The following GRIK3 variants were observed in gnomAD, a reference collection of about 807,000 sequenced individuals.
GRIK3 encodes glutamate ionotropic receptor kainate type subunit 3, also known as glutamate receptor ionotropic, kainate 3.
GRIK3 carries 29 observed loss-of-function variants against 102.5 expected under a neutral mutation model. The ratio of observed to expected loss-of-function variants is 0.28; its 90% CI spans 0.21 to 0.39. GRIK3 has a LOEUF of 0.39. GRIK3 is among the 10% of genes least tolerant of loss of function. The pLI, the probability that GRIK3 is intolerant of heterozygous loss-of-function variation, is 1.00. For missense variants in GRIK3, 908 were observed against 1,252.4 expected (o/e 0.73, Z 4.15); for synonymous variants, 511 against 504.9 (o/e 1.01, Z -0.16).
chr1:36,913,897 C>T (rs1435089707), intron 1 of GRIK3, among the ~76,000 whole-genome samples: 2 of 152,240 alleles, frequency 1.3e-5, no homozygotes, highest in Non-Finnish European at 2.9e-5. Context: ...ACAACTCTCC[C>T]AAAACCAACA....
At chr1:36,942,049 G>C (rs1641726760) in intron 1 of GRIK3, among the ~76,000 whole-genome samples, 5 of 152,200 alleles carry the variant, frequency 3.3e-5, no homozygotes, top group Admixed American at 3.3e-4. Context: ...AGCACTCTTT[G>C]AGGATGCAGG....
rs770773939 is a variant in GRIK3, at chr1:36,806,225, C to T, written c.2193G>A (p.Thr731=). ...ACTCCATGAGCAGCGCGTAGTCGGC[C>T]GTCAGGGCCCTCTGGATGCCCTCCT... ...NNEEGIQRAL[T]ADYALLMEST... The change falls in exon 14 of 16, where the codon ACG becomes ACA. Residue 731 remains threonine (T), a synonymous_variant. Coordinates refer to ENST00000373091, the MANE Select transcript of GRIK3 (RefSeq NM_000831.4). This position sits in a 1 kb window ranked among gnomAD's most constrained non-coding sequence, Gnocchi z 4.0. 6.3e-5 allele frequency: 101 copies of T among 1,613,934 alleles called. No homozygotes were observed. The highest frequency in any genetic ancestry group is 3.3e-4 in the Middle Eastern group (2 of 6,084).
rs532665531 is a variant in GRIK3, at chr1:36,929,250, G to A, written c.116-38154C>T. On this transcript the variant is annotated intron_variant, in intron 1 of 15. Coordinates refer to ENST00000373091, the MANE Select transcript of GRIK3 (RefSeq NM_000831.4). ...AGATGGAGACTGTATCTCCATCTTCGAAGGTGCTCATTGTGAGCACCAGGA... is the reference window on the plus strand; with the variant it reads ...AGATGGAGACTGTATCTCCATCTTCAAAGGTGCTCATTGTGAGCACCAGGA... Among the ~76,000 whole-genome samples the A allele has an allele frequency of 3.8e-4, 58 of 152,098 alleles. No homozygotes were observed. In the South Asian group the frequency reaches 9.8e-3, roughly 26 times the overall value.
chr1:36,969,674 T>C (rs191609804), intron 1 of GRIK3, among the ~76,000 whole-genome samples: 2 of 152,336 alleles, frequency 1.3e-5, no homozygotes, highest in South Asian at 2.1e-4. Context: ...GGCTTCATTG[T>C]AGAGAGGACA....
intron 1 of GRIK3, among the ~76,000 whole-genome samples, chr1:36,953,642 G>C (rs991848471): frequency 1.3e-5 from 2 of 152,034 alleles, no homozygotes; most frequent in Non-Finnish European, 2.9e-5. Context: ...GACCAGGCAG[G>C]GGAAAGGAAA....
chr1:36,842,348 C>A (rs572932609), intron 9 of GRIK3, among the ~76,000 whole-genome samples: 1 of 152,280 alleles, frequency 6.6e-6, no homozygotes, highest in South Asian at 2.1e-4. Context: ...CATTCTCAGG[C>A]CCCACCCCAG....
chr1:36,855,688 G>A (rs1640643591), intron 7 of GRIK3, among the ~76,000 whole-genome samples: 1 of 152,218 alleles, frequency 6.6e-6, no homozygotes, highest in Non-Finnish European at 1.5e-5. Context: ...ATGTGACAGA[G>A]GTTATTATTT....
chr1:36,846,126 G>A (rs1640516891), intron 9 of GRIK3, among the ~76,000 whole-genome samples: 1 of 152,200 alleles, frequency 6.6e-6, no homozygotes, highest in Non-Finnish European at 1.5e-5. Flanking sequence ...GTGAGCTGAG[G>A]TTTGGGCAGA....
At chr1:36,914,654 C>T (rs1328868774) in intron 1 of GRIK3, among the ~76,000 whole-genome samples, 2 of 152,200 alleles carry the variant, frequency 1.3e-5, no homozygotes, top group Non-Finnish European at 1.5e-5. Context: ...GCTCCCCAGC[C>T]CTGTGCACTA....
Position 36,891,053 on chromosome 1 carries a change from C to A in GRIK3, c.159G>T (p.Met53Ile). Residue 53 changes from methionine to isoleucine, a missense_variant, in exon 2 of 16, where the codon ATG (methionine) becomes ATT (isoleucine). Coordinates refer to ENST00000373091, the MANE Select transcript of GRIK3 (RefSeq NM_000831.4). ...EYADGPNAQV[M>I]NAEEHAFRFS... ...ATCGAAAGGCATGCTCCTCGGCATT[C>A]ATGACCTGGGCGTTGGGGCCGTCCG... 6.2e-7 allele frequency: 1 copy of A among 1,613,930 alleles called. No homozygotes were observed. Among genetic ancestry groups the A allele is most frequent in the Non-Finnish European group, 8.5e-7 (1 of 1,179,842 alleles).
At chr1:37,026,836 A>G (rs1402178930) in intron 1 of GRIK3, among the ~76,000 whole-genome samples, 1 of 152,162 alleles carries the variant, frequency 6.6e-6, no homozygotes, top group Non-Finnish European at 1.5e-5. Context: ...CAAGAAAGAA[A>G]AAATTCTGCA....
At chr1:36,968,022 C>T (rs10489412) in intron 1 of GRIK3, among the ~76,000 whole-genome samples, 19,662 of 152,106 alleles carry the variant, frequency 0.13, 1,834 homozygotes, top group African/African-American at 0.27. Context: ...GGCCCTCTGT[C>T]GTACTGAGAA....
intron 10 of GRIK3, among the ~76,000 whole-genome samples, chr1:36,832,413 G>A (rs1386600017): frequency 6.6e-6 from 1 of 152,218 alleles, no homozygotes. Flanking sequence ...GACGGTGTCT[G>A]CTGCTGAGCC....
intron 1 of GRIK3, among the ~76,000 whole-genome samples, chr1:36,897,227 G>A (rs1348533110): frequency 6.6e-6 from 1 of 152,098 alleles, no homozygotes; most frequent in Non-Finnish European, 1.5e-5. Flanking sequence ...CAGATAATAT[G>A]GTCTTATATG....
chr1:36,899,258 A>T (rs1641206858), intron 1 of GRIK3, among the ~76,000 whole-genome samples: 1 of 152,220 alleles, frequency 6.6e-6, no homozygotes, highest in Admixed American at 6.5e-5. Context: ...AGAATGCGAG[A>T]AGATATTTGC....
intron 1 of GRIK3, among the ~76,000 whole-genome samples, chr1:36,976,845 C>T (rs1021060556): frequency 6.6e-6 from 1 of 152,130 alleles, no homozygotes; most frequent in Admixed American, 6.5e-5. Context: ...CTGATCGATC[C>T]CCTCCCCAGT....
At chr1:36,883,175 C>T (rs895241540) in intron 2 of GRIK3, among the ~76,000 whole-genome samples, 1 of 152,228 alleles carries the variant, frequency 6.6e-6, no homozygotes, top group African/African-American at 2.4e-5. Context: ...AGCCTACATA[C>T]CATACGGCTA....
At chr1:36,988,884 A>C (rs1403023246) in intron 1 of GRIK3, among the ~76,000 whole-genome samples, 1 of 152,154 alleles carries the variant, frequency 6.6e-6, no homozygotes, top group Non-Finnish European at 1.5e-5. Flanking sequence ...GCTGAATGAA[A>C]CACCCGCGCT....
intron 1 of GRIK3, among the ~76,000 whole-genome samples, chr1:36,968,471 G>C (rs143141692): frequency 2.6e-5 from 4 of 152,258 alleles, no homozygotes; most frequent in Non-Finnish European, 5.9e-5. Flanking sequence ...CACAGGTGTT[G>C]ATACTCCCCC....
Sources: allele counts gnomAD v4.1 joint callset (sites outside exome capture counted in the v4.1 genomes callset), GRCh38; gene constraint gnomAD v4.1.1; non-coding constraint Gnocchi (gnomAD v3.1); transcripts MANE v1.5; gene names NCBI Gene and HGNC (gene_info 2026-07-23, HGNC 2026-07-21).